IQCM: variants seen among roughly 807,000 people sequenced by gnomAD.
IQCM encodes the protein IQ motif containing M, also known as IQ domain-containing protein M.
A neutral mutation model predicts 57.6 loss-of-function variants in IQCM; 45 were observed. That is an observed-to-expected ratio of 0.78 (90% CI 0.62 to 1.00). The LOEUF is 1.00. IQCM is among the 50% of genes least tolerant of loss of function. The pLI, the probability that IQCM is intolerant of heterozygous loss-of-function variation, is 0.00. For missense variants in IQCM, 468 were observed against 511.6 expected, an observed-to-expected ratio of 0.91 and a Z score of 0.82; for synonymous variants, 148 against 158.9, an observed-to-expected ratio of 0.93 and a Z score of 0.51.
In IQCM at chr4:149,743,012, TG is replaced by T. The variant is rs1351692280; in HGVS notation, c.-48-274del. The stretch of plus-strand genomic sequence containing the variant: ...TATTATTATGAATATTTGGCAGATG[TG>T]GAAATTGGAGCTTAGAGAAGTAAAA... On this transcript the variant is annotated intron_variant, in intron 2 of 13. Transcript: ENST00000636793. Among the ~76,000 whole-genome samples, 4 of 152,092 alleles carry T rather than the reference TG, an allele frequency of 2.6e-5. No individual in the cohort carries two copies. In the East Asian group the frequency reaches 7.7e-4, roughly 29 times the overall value.
chr4:149,555,864 A>C (rs907021801), intron 10 of IQCM, among the ~76,000 whole-genome samples: 2 of 152,186 alleles, frequency 1.3e-5, no homozygotes, highest in Admixed American at 1.3e-4. Flanking sequence ...TGAATGTAAC[A>C]ACTCTTTTGG....
chr4:149,647,155 T>C (rs545234614), intron 7 of IQCM, among the ~76,000 whole-genome samples: 4 of 152,298 alleles, frequency 2.6e-5, no homozygotes, highest in Middle Eastern at 3.4e-3. Flanking sequence ...AGTGATATTG[T>C]AGATACTAAA....
At chr4:149,788,688 T>C (rs1772300704) in intron 2 of IQCM, among the ~76,000 whole-genome samples, 1 of 152,222 alleles carries the variant, frequency 6.6e-6, no homozygotes, top group Admixed American at 6.5e-5. Context: ...AAGAAATACA[T>C]GCATCCCCAT....
chr4:149,785,308 A>C (rs1771979658), intron 2 of IQCM, among the ~76,000 whole-genome samples: 3 of 152,222 alleles, frequency 2.0e-5, no homozygotes, highest in African/African-American at 4.8e-5. Context: ...TATTAGGCAC[A>C]CAAAGTTATA....
chr4:149,506,775 T>G (rs1743859557), intron 12 of IQCM, among the ~76,000 whole-genome samples: 3 of 151,940 alleles, frequency 2.0e-5, no homozygotes, highest in Non-Finnish European at 2.9e-5. Context: ...CAAGAAAAAA[T>G]TCCCAATAAC....
chr4:149,795,842 C>A (rs1773062371), intron 2 of IQCM, among the ~76,000 whole-genome samples: 1 of 152,178 alleles, frequency 6.6e-6, no homozygotes, highest in Non-Finnish European at 1.5e-5. Context: ...GAACACACTG[C>A]CTTGAAGGAA....
chr4:149,570,870 C>A (rs185378538), intron 9 of IQCM, among the ~76,000 whole-genome samples: 1 of 151,926 alleles, frequency 6.6e-6, no homozygotes. Flanking sequence ...AGAAGACATA[C>A]AAATTGCCAA....
chr4:149,737,885 C>T (rs114161714), intron 3 of IQCM, among the ~76,000 whole-genome samples: 2,473 of 152,186 alleles, frequency 0.016, 71 homozygotes, highest in African/African-American at 0.057. Flanking sequence ...CTTTTAATTC[C>T]CTTTTTCTGA....
rs947297292 is a variant in IQCM, at chr4:149,682,004, A to G, written c.565+114T>C. ...GCTTATCTTTGATACAGTGTTTGAA[A>G]TGAAAATAAAGGAAATAACTCTGTT... On this transcript the variant is annotated intron_variant, in intron 7 of 13. Transcript: ENST00000636793. The G allele has an allele frequency of 3.1e-5, 13 of 422,538 alleles. No homozygotes were observed. The Admixed American group carries it at 5.8e-4, about 19-fold the overall frequency. The allele number at this position is 422,538 out of a possible 1,614,324, so 26.2% of individuals were successfully genotyped here. A position where few individuals can be genotyped will look rare whatever the true frequency, so the allele number is the denominator to read the frequency against.
intron 13 of IQCM, among the ~76,000 whole-genome samples, chr4:149,420,305 T>C (rs552102688): frequency 3.3e-5 from 5 of 152,228 alleles, no homozygotes; most frequent in East Asian, 3.9e-4. Context: ...TAGAATACTA[T>C]GCAGCCACAA....
intron 13 of IQCM, among the ~76,000 whole-genome samples, chr4:149,416,682 T>C (rs1733772180): frequency 6.6e-6 from 1 of 151,942 alleles, no homozygotes; most frequent in Non-Finnish European, 1.5e-5. Context: ...AACAGAGAAA[T>C]GATATAATTT....
chr4:149,572,531 T>A (rs1317696430), intron 9 of IQCM, among the ~76,000 whole-genome samples: 1 of 151,866 alleles, frequency 6.6e-6, no homozygotes, highest in East Asian at 1.9e-4. Flanking sequence ...TATATCTCTA[T>A]TAAAAGATAT....
chr4:149,545,173 T>C (rs887930596), intron 12 of IQCM, among the ~76,000 whole-genome samples: 1 of 151,950 alleles, frequency 6.6e-6, no homozygotes, highest in East Asian at 1.9e-4. Context: ...GTTTCTATCA[T>C]AAAAAAATAA....
intron 13 of IQCM, among the ~76,000 whole-genome samples, chr4:149,367,028 G>A (rs535819813): frequency 6.6e-6 from 1 of 152,138 alleles, no homozygotes; most frequent in Non-Finnish European, 1.5e-5. Flanking sequence ...GCAAGGCACT[G>A]TGCTGAGTGA....
chr4:149,510,763 A>G (rs1232681867), intron 12 of IQCM, among the ~76,000 whole-genome samples: 1 of 152,170 alleles, frequency 6.6e-6, no homozygotes, highest in African/African-American at 2.4e-5. Context: ...TATTTTTCTC[A>G]TAATTAGACT....
chr4:149,454,709 G>A (rs555518818), intron 12 of IQCM, among the ~76,000 whole-genome samples: 1 of 152,062 alleles, frequency 6.6e-6, no homozygotes, highest in East Asian at 1.9e-4. Flanking sequence ...GCTACAACAT[G>A]AATAAACTTC....
At chr4:149,584,813 A>T (rs1752506376) in intron 9 of IQCM, among the ~76,000 whole-genome samples, 1 of 151,778 alleles carries the variant, frequency 6.6e-6, no homozygotes, top group Admixed American at 6.6e-5. Flanking sequence ...ATTAGGAGAG[A>T]AATAACCAGG....
chr4:149,473,090 C>T (rs552855860), intron 12 of IQCM, among the ~76,000 whole-genome samples: 1 of 152,074 alleles, frequency 6.6e-6, no homozygotes, highest in Non-Finnish European at 1.5e-5. Flanking sequence ...AAAACACCAA[C>T]AGCAATGGCA....
chr4:149,685,382 T>G (rs1291480659), intron 6 of IQCM, among the ~76,000 whole-genome samples: 2 of 151,486 alleles, frequency 1.3e-5, no homozygotes, highest in African/African-American at 4.8e-5. Flanking sequence ...ACTAGTAAAT[T>G]TCCAATATAA....
Sources: allele counts gnomAD v4.1 joint callset (sites outside exome capture counted in the v4.1 genomes callset), GRCh38; gene constraint gnomAD v4.1.1; transcripts MANE v1.5; gene names NCBI Gene and HGNC (gene_info 2026-07-23, HGNC 2026-07-21).